Variants in MTUS1 observed in about 807,000 individuals in gnomAD.
The protein encoded by MTUS1 is microtubule-associated tumor suppressor 1.
MTUS1 carries 109 observed loss-of-function variants against 120.8 expected under a neutral mutation model. That is an observed-to-expected ratio of 0.90 (90% CI 0.77 to 1.06). The LOEUF (loss-of-function observed/expected upper bound fraction) is 1.06, where lower values mean the gene tolerates loss of function less well. Among genes scored for constraint, MTUS1 ranks in the 50% least tolerant of loss-of-function variants. The pLI, the probability that MTUS1 is intolerant of heterozygous loss-of-function variation, is 0.00. For missense variants in MTUS1, 2,210 were observed against 1,486.3 expected, an observed-to-expected ratio of 1.49 and a Z score of -8.01; for synonymous variants, 737 against 550.5, an observed-to-expected ratio of 1.34 and a Z score of -4.74.
rs146790414 is a variant in MTUS1, at chr8:17,740,120, A to G, written c.2287+3484T>C. On this transcript the variant is annotated intron_variant, in intron 3 of 14. Coordinates refer to ENST00000693296, the MANE Select transcript of MTUS1 (RefSeq NM_001363059.2). Reference sequence around the variant, plus strand: ...CTACTCAGGAGGCTGAGGCAGCAGAATCGCTTGAACCCAGGAGGCGGAGGT... The same window carrying G: ...CTACTCAGGAGGCTGAGGCAGCAGAGTCGCTTGAACCCAGGAGGCGGAGGT... Among the ~76,000 whole-genome samples, 303 of 152,160 alleles carry G rather than the reference A, an allele frequency of 2.0e-3. 1 individual carries two copies. The highest frequency in any genetic ancestry group is 7.2e-3 in the African/African-American group (300 of 41,508).
chr8:17,742,125 C>A (rs71526154), intron 3 of MTUS1, among the ~76,000 whole-genome samples: 1 of 152,084 alleles, frequency 6.6e-6, no homozygotes, highest in Non-Finnish European at 1.5e-5. Flanking sequence ...GGGTTTTGCT[C>A]TGCTGCCCAG....
At chr8:17,787,826 C>T (rs148795893) in intron 1 of MTUS1, among the ~76,000 whole-genome samples, 3 of 152,166 alleles carry the variant, frequency 2.0e-5, no homozygotes, top group Non-Finnish European at 4.4e-5. Context: ...TTCATCCAGT[C>T]ACGAAGACTT....
intron 1 of MTUS1, among the ~76,000 whole-genome samples, chr8:17,781,745 T>C (rs1184092256): frequency 6.6e-6 from 1 of 152,180 alleles, no homozygotes; most frequent in Non-Finnish European, 1.5e-5. Context: ...CCTGCCCCCA[T>C]CATGTGATCA....
intron 6 of MTUS1, among the ~76,000 whole-genome samples, chr8:17,686,959 G>C (rs1815939376): frequency 6.6e-6 from 1 of 152,020 alleles, no homozygotes; most frequent in African/African-American, 2.4e-5. Context: ...TGAAATTCGA[G>C]GACATACATT....
At chr8:17,779,159 G>A (rs1419471715) in intron 1 of MTUS1, among the ~76,000 whole-genome samples, 8 of 152,180 alleles carry the variant, frequency 5.3e-5, no homozygotes, top group African/African-American at 1.9e-4. Flanking sequence ...GACTGGAAAG[G>A]TTTCTAAATG....
intron 8 of MTUS1, among the ~76,000 whole-genome samples, chr8:17,661,051 G>A (rs1249488223): frequency 2.6e-5 from 4 of 152,146 alleles, no homozygotes; most frequent in Admixed American, 6.5e-5. Flanking sequence ...AACATTCTCT[G>A]CACATTCACT....
intron 3 of MTUS1, among the ~76,000 whole-genome samples, chr8:17,739,785 T>G (rs2047179744): frequency 6.6e-6 from 1 of 152,246 alleles, no homozygotes; most frequent in African/African-American, 2.4e-5. Flanking sequence ...CAGTGTGAGC[T>G]GCTATCATTG....
rs1563324252 is a variant in MTUS1, at chr8:17,753,714, T to C, written c.2091+3A>G. 6.3e-7 allele frequency: 1 copy of C among 1,577,102 alleles called. No individual in the cohort carries two copies. Among genetic ancestry groups the C allele is most frequent in the Non-Finnish European group, 8.6e-7 (1 of 1,163,180 alleles). ...ATGCAAAAAATATATATATATTACT[T>C]ACCAAAAACAGAGAACCATATTCAA... On this transcript the variant is annotated splice_donor_region_variant and intron_variant, in intron 2 of 14. Coordinates refer to ENST00000693296, the MANE Select transcript of MTUS1 (RefSeq NM_001363059.2).
intron 8 of MTUS1, chr8:17,674,892 G>A (rs1585592129): frequency 8.3e-7 from 1 of 1,206,778 alleles, no homozygotes; most frequent in Non-Finnish European, 1.0e-6. Flanking sequence ...TTATTTAACA[G>A]GAATTCACAC....
intron 6 of MTUS1, chr8:17,697,181 A>G: frequency 1.3e-6 from 2 of 1,483,954 alleles, no homozygotes; most frequent in Non-Finnish European, 9.0e-7. Context: ...TCCTTGGAAA[A>G]ACCTCTGATA....
At chr8:17,674,840 T>A in intron 8 of MTUS1, 1 of 1,096,022 alleles carries the variant, frequency 9.1e-7, no homozygotes, top group Admixed American at 4.8e-5. Flanking sequence ...AAACTTTCAC[T>A]ATTCTCATAT....
At chr8:17,797,597 G>A (rs892317116) in intron 1 of MTUS1, among the ~76,000 whole-genome samples, 1 of 151,940 alleles carries the variant, frequency 6.6e-6, no homozygotes, top group African/African-American at 2.4e-5. Context: ...ATTTCCTGTG[G>A]GTGGGATCGC....
At chr8:17,764,849 G>C (rs766263005) in intron 1 of MTUS1, among the ~76,000 whole-genome samples, 5 of 152,194 alleles carry the variant, frequency 3.3e-5, no homozygotes, top group African/African-American at 4.8e-5. Context: ...TGGCACCAGG[G>C]ACTGGTTTCA....
At chr8:17,684,794 G>T (rs1373269095) in intron 6 of MTUS1, among the ~76,000 whole-genome samples, 2 of 152,112 alleles carry the variant, frequency 1.3e-5, no homozygotes, top group Non-Finnish European at 2.9e-5. Flanking sequence ...TGACACAAAT[G>T]GATTTGGCAA....
At chr8:17,719,078 G>C (rs773227278) in intron 4 of MTUS1, among the ~76,000 whole-genome samples, 1 of 152,082 alleles carries the variant, frequency 6.6e-6, no homozygotes, top group African/African-American at 2.4e-5. Flanking sequence ...GCTGAGGTGG[G>C]AGAACTGCTT....
chr8:17,680,520 T>C (rs147984016), intron 7 of MTUS1, among the ~76,000 whole-genome samples: 2 of 142,670 alleles, frequency 1.4e-5, no homozygotes, highest in African/African-American at 5.3e-5. Context: ...CTGTATTCAG[T>C]GCAGTCACAA....
At chr8:17,651,780 C>T (rs1467085034) in intron 12 of MTUS1, 1 of 152,112 alleles carries the variant, frequency 6.6e-6, no homozygotes, top group Non-Finnish European at 1.5e-5. Flanking sequence ...TCTGACTCTG[C>T]CTTAGCTTTT....
At chr8:17,758,931 G>A (rs939370861) in intron 1 of MTUS1, among the ~76,000 whole-genome samples, 7 of 152,182 alleles carry the variant, frequency 4.6e-5, no homozygotes, top group Non-Finnish European at 8.8e-5. Context: ...GCCCGGGCTG[G>A]AGTGCAGTGG....
intron 12 of MTUS1, among the ~76,000 whole-genome samples, chr8:17,652,474 G>C (rs542442956): frequency 2.0e-5 from 3 of 152,098 alleles, no homozygotes; most frequent in Non-Finnish European, 4.4e-5. Flanking sequence ...AGACGGGGGA[G>C]AGCCTGGTGC....
Sources: gnomAD v4.1 joint callset for allele counts (sites outside exome capture counted in the v4.1 genomes callset) on GRCh38, gnomAD v4.1.1 for gene constraint, MANE v1.5 for transcripts, NCBI Gene and HGNC (gene_info 2026-07-23, HGNC 2026-07-21) for gene names.